The following PTPRA variants were observed in gnomAD, a reference collection of about 807,000 sequenced individuals.
The protein encoded by PTPRA is receptor-type tyrosine-protein phosphatase alpha.
Under a neutral mutation model 104.8 loss-of-function variants are expected in PTPRA, and 25 were observed. The observed-to-expected ratio is 0.24, with a 90% CI of 0.17 to 0.33. The LOEUF is 0.33. Ranked by LOEUF, PTPRA falls within the 10% of genes least tolerant of loss-of-function variation. The pLI is 1.00. For synonymous variants in PTPRA, 323 were observed against 368.9 expected (o/e 0.88, Z 1.43); for missense variants, 765 against 1,015.3 (o/e 0.75, Z 3.35).
At chr20:3,030,184 A>G (rs1386033583) in intron 20 of PTPRA, among the ~76,000 whole-genome samples, 1 of 152,214 alleles carries the variant, frequency 6.6e-6, no homozygotes, top group Non-Finnish European at 1.5e-5. Flanking sequence ...AGTCAGATGC[A>G]GGCTCTTCCA....
intron 11 of PTPRA, among the ~76,000 whole-genome samples, chr20:3,008,773 C>T (rs968635275): frequency 4.8e-5 from 7 of 146,162 alleles, no homozygotes; most frequent in Non-Finnish European, 9.0e-5. Flanking sequence ...CTTAGCCGGG[C>T]GTGGTGGCAG....
intron 1 of PTPRA, among the ~76,000 whole-genome samples, chr20:2,922,695 T>G (rs1006319566): frequency 2.6e-5 from 4 of 151,414 alleles, no homozygotes; most frequent in Non-Finnish European, 4.4e-5. Context: ...TGGAGTGCAG[T>G]GGCGCGATCT....
Position 3,027,599 on chromosome 20 carries a change from C to T in PTPRA, c.1786-108C>T. 2.1e-6 allele frequency: 3 copies of T among 1,426,200 alleles called. No individual in the cohort carries two copies. In the South Asian group the frequency reaches 4.0e-5, roughly 19 times the overall value. The allele number at this position is 1,426,200 out of a possible 1,614,324, so 88.3% of individuals were successfully genotyped here. ...TGGCCACAGGGGAGCTCTGCATGGG[C>T]TGAGTTTGCCTCCGAGCAGTCCCCA... On this transcript the variant is annotated intron_variant, in intron 19 of 23. Coordinates refer to ENST00000399903, the MANE Select transcript of PTPRA (RefSeq NM_001385305.1).
At chr20:2,998,141 C>CTCCA (rs1386119130) in intron 9 of PTPRA, among the ~76,000 whole-genome samples, 11 of 149,696 alleles carry the variant, frequency 7.3e-5, no homozygotes, top group Non-Finnish European at 1.6e-4. Context: ...CCGCACTGCC[C>CTCCA]TCCAGCCTCC....
intron 1 of PTPRA, among the ~76,000 whole-genome samples, chr20:2,921,855 C>T (rs1470893029): frequency 6.6e-6 from 1 of 152,192 alleles, no homozygotes; most frequent in Non-Finnish European, 1.5e-5. Flanking sequence ...TGGCTAGGCT[C>T]TTGTACTACC....
chr20:3,006,966 G>T (rs751704614), intron 10 of PTPRA, among the ~76,000 whole-genome samples: 1 of 151,848 alleles, frequency 6.6e-6, no homozygotes, highest in Admixed American at 6.6e-5. Context: ...TGGAGGAGGG[G>T]GATGTGTGTA....
intron 1 of PTPRA, among the ~76,000 whole-genome samples, chr20:2,898,768 G>T (rs1292596222): frequency 6.6e-6 from 1 of 151,934 alleles, no homozygotes; most frequent in Non-Finnish European, 1.5e-5. Context: ...TGAGGCAGGA[G>T]AATTGCTTGA....
In PTPRA at chr20:3,030,163, C is replaced by T. The variant is rs80351195; in HGVS notation, c.1920+2322C>T. On this transcript the variant is annotated intron_variant, in intron 20 of 23. Transcript: ENST00000399903. ...TAAAATGTGGCCCAGTGAACATCTC[C>T]GCCTCTGTCCAGTCAGATGCAGGCT... is the stretch of plus-strand genomic sequence containing the variant. Among the ~76,000 whole-genome samples the T allele has an allele frequency of 1.4e-4, 22 of 152,292 alleles. No homozygotes were observed. The East Asian group carries it at 1.7e-3, about 12-fold the overall frequency.
At chr20:2,954,106 TTG>T (rs1162716473) in intron 3 of PTPRA, among the ~76,000 whole-genome samples, 1 of 148,484 alleles carries the variant, frequency 6.7e-6, no homozygotes, top group African/African-American at 2.5e-5. Context: ...TTTGAGAGTT[TTG>T]CTCTTGTTGC....
rs191494717 is a variant in PTPRA at position 3,033,560 on chromosome 20, C to A, written c.1921-2025C>A. Among the ~76,000 whole-genome samples the A allele has an allele frequency of 1.3e-4, 20 of 152,126 alleles. No individual in the cohort carries two copies. In the East Asian group the frequency reaches 3.1e-3, roughly 23 times the overall value. On this transcript the variant is annotated intron_variant, in intron 20 of 23. Coordinates refer to ENST00000399903, the MANE Select transcript of PTPRA (RefSeq NM_001385305.1). ...CCACTTTTAGTTTTTCAAATGGCAG[C>A]TGCTGGTCCTTTTGAAAATATAAAT...
At chr20:2,962,265 G>T (rs2061782044) in intron 3 of PTPRA, among the ~76,000 whole-genome samples, 5 of 152,026 alleles carry the variant, frequency 3.3e-5, no homozygotes, top group African/African-American at 1.2e-4. Flanking sequence ...AGGAGCTTTT[G>T]TTTTTTCTGT....
intron 16 of PTPRA, among the ~76,000 whole-genome samples, chr20:3,024,234 C>T (rs913646421): frequency 6.6e-6 from 1 of 152,160 alleles, no homozygotes; most frequent in Non-Finnish European, 1.5e-5. Context: ...TCCTTCTCTC[C>T]AGGCGTCCAC....
At chr20:2,997,536 G>T (rs2063448488) in intron 9 of PTPRA, among the ~76,000 whole-genome samples, 1 of 152,128 alleles carries the variant, frequency 6.6e-6, no homozygotes, top group South Asian at 2.1e-4. Flanking sequence ...CTGGACCATG[G>T]GGGTGAATAA....
intron 2 of PTPRA, among the ~76,000 whole-genome samples, chr20:2,926,498 T>G (rs924450326): frequency 2.6e-5 from 4 of 152,188 alleles, no homozygotes; most frequent in African/African-American, 9.7e-5. Context: ...GGGACCACCC[T>G]AATGAGCTCA....
intron 2 of PTPRA, among the ~76,000 whole-genome samples, chr20:2,933,468 G>GTT (rs562357817): frequency 6.8e-6 from 1 of 146,710 alleles, no homozygotes; most frequent in Non-Finnish European, 1.5e-5. Context: ...GGTTGGTTGG[G>GTT]TTTTTTTTTT....
chr20:3,037,073 C>G lies in PTPRA; in HGVS notation c.2199-81C>G. ...GAGCACCAGCTGCCTGCCCCCACCTCTTCTGCCACTCACCACTGTCACTCA... is the reference window on the plus strand; with the variant it reads ...GAGCACCAGCTGCCTGCCCCCACCTGTTCTGCCACTCACCACTGTCACTCA... On this transcript the variant is annotated intron_variant, in intron 22 of 23. Transcript: ENST00000399903. The surrounding 1 kb of genome is among the most constrained non-coding windows in gnomAD (Gnocchi z 4.3). The G allele has an allele frequency of 6.4e-7, 1 of 1,558,806 alleles. No homozygotes were observed. Among genetic ancestry groups the G allele is most frequent in the South Asian group, 1.2e-5 (1 of 82,258 alleles).
At chr20:2,905,673 G>A (rs2059397802) in intron 1 of PTPRA, among the ~76,000 whole-genome samples, 1 of 150,324 alleles carries the variant, frequency 6.7e-6, no homozygotes, top group Non-Finnish European at 1.5e-5. Flanking sequence ...AAGATTGGGG[G>A]TGGAAATCAT....
the PTPRA span, chr20:2,864,516 T>C: frequency 6.2e-7 from 1 of 1,614,090 alleles, no homozygotes; most frequent in South Asian, 1.1e-5. The surrounding 1 kb of genome is among the most constrained non-coding windows in gnomAD (Gnocchi z 5.2). Flanking sequence ...TGAGTTGGCC[T>C]TGCTGACTGA....
At chr20:2,980,909 TC>T (rs1285802101) in intron 6 of PTPRA, among the ~76,000 whole-genome samples, 1 of 152,120 alleles carries the variant, frequency 6.6e-6, no homozygotes, top group African/African-American at 2.4e-5. Flanking sequence ...TGGACATACG[TC>T]CTAAACCAGG....
Sources: gnomAD v4.1 joint callset for allele counts (sites outside exome capture counted in the v4.1 genomes callset) on GRCh38, gnomAD v4.1.1 for gene constraint, Gnocchi (gnomAD v3.1) non-coding constraint, MANE v1.5 for transcripts, NCBI Gene and HGNC (gene_info 2026-07-23, HGNC 2026-07-21) for gene names.